The following MYO5B variants were observed in gnomAD, a reference collection of about 807,000 sequenced individuals.
MYO5B encodes the protein unconventional myosin-Vb.
MYO5B carries 143 observed loss-of-function variants against 229.3 expected under a neutral mutation model. The observed-to-expected ratio is 0.62, with a 90% CI of 0.54 to 0.72. MYO5B has a LOEUF of 0.72. Ranked by LOEUF, MYO5B falls within the 30% of genes least tolerant of loss-of-function variation. MYO5B has a pLI of 0.00. For synonymous variants in MYO5B, 918 were observed against 885.2 expected (o/e 1.04, Z -0.66); for missense variants, 2,321 against 2,331.0 (o/e 1.00, Z 0.09).
chr18:49,960,052 A>C (rs1179170010), intron 12 of MYO5B, among the ~76,000 whole-genome samples: 1 of 151,982 alleles, frequency 6.6e-6, no homozygotes, highest in Non-Finnish European at 1.5e-5. Context: ...GGCACCAGTC[A>C]CAGGCCCTGG....
At chr18:49,998,054 C>T (rs932447736) in intron 5 of MYO5B, among the ~76,000 whole-genome samples, 2 of 151,340 alleles carry the variant, frequency 1.3e-5, no homozygotes, top group African/African-American at 2.5e-5. Flanking sequence ...TACGAAAAGT[C>T]GTGTTTTCAG....
chr18:50,102,957 C>G (rs1380333024), intron 1 of MYO5B, among the ~76,000 whole-genome samples: 1 of 152,038 alleles, frequency 6.6e-6, no homozygotes, highest in East Asian at 1.9e-4. Context: ...GTCCTTCCCC[C>G]AAAGGAGAAG....
chr18:50,024,091 G>A (rs766874230), intron 4 of MYO5B, among the ~76,000 whole-genome samples: 18 of 152,252 alleles, frequency 1.2e-4, no homozygotes, highest in South Asian at 2.1e-4. Context: ...GCTGGAGTTC[G>A]TACACATCAG....
intron 39 of MYO5B, among the ~76,000 whole-genome samples, chr18:49,826,950 G>C (rs1376633015): frequency 6.8e-6 from 1 of 147,840 alleles, no homozygotes; most frequent in Non-Finnish European, 1.5e-5. Context: ...CAAGGGCATG[G>C]GTTTTTTTTT....
intron 14 of MYO5B, among the ~76,000 whole-genome samples, chr18:49,945,023 C>T (rs977710410): frequency 2.0e-5 from 3 of 152,206 alleles, no homozygotes; most frequent in East Asian, 1.9e-4. Flanking sequence ...CACTGGCCCA[C>T]GCCTCCTTGT....
rs766421153 is a variant in MYO5B, at chr18:49,877,870, G to A, written c.3289C>T (p.His1097Tyr). ...CTTTGGTTTGATGGGTTCCGCCTAT[G>A]ACCTGGAGTTTGCTGTTCAACAAGA... ...EMTIIKQTPGHRRNPSNQSSL... is the reference protein window; with the variant it reads ...EMTIIKQTPGYRRNPSNQSSL... Residue 1097 changes from histidine to tyrosine, a missense_variant, in exon 25 of 40, where the codon CAT becomes TAT. Transcript: ENST00000285039. The A allele has an allele frequency of 3.0e-5, 48 of 1,614,088 alleles. No individual in the cohort carries two copies. The South Asian group carries it at 4.8e-4, about 16-fold the overall frequency.
At chr18:50,066,991 T>C (rs1362342865) in intron 1 of MYO5B, among the ~76,000 whole-genome samples, 1 of 152,180 alleles carries the variant, frequency 6.6e-6, no homozygotes, top group Non-Finnish European at 1.5e-5. Flanking sequence ...TCCTGAAATG[T>C]CCTTTCATGT....
intron 12 of MYO5B, among the ~76,000 whole-genome samples, chr18:49,956,250 C>T (rs1254262583): frequency 6.6e-6 from 1 of 152,222 alleles, no homozygotes; most frequent in African/African-American, 2.4e-5. Flanking sequence ...CCATTTTCTA[C>T]ACATTTTAGA....
intron 4 of MYO5B, among the ~76,000 whole-genome samples, chr18:50,022,128 GAACT>G (rs2144359892): frequency 7.4e-6 from 1 of 135,326 alleles, no homozygotes; most frequent in African/African-American, 2.7e-5. Flanking sequence ...TCAGCAAATA[GAACT>G]TCCATCTACC....
chr18:49,988,626 A>C (rs1206731476), intron 7 of MYO5B, among the ~76,000 whole-genome samples: 1 of 152,134 alleles, frequency 6.6e-6, no homozygotes, highest in Non-Finnish European at 1.5e-5. Flanking sequence ...ATATTTGTTT[A>C]TTTTCTATAA....
At chr18:49,853,902 T>C (rs989494505) in intron 30 of MYO5B, among the ~76,000 whole-genome samples, 2 of 152,256 alleles carry the variant, frequency 1.3e-5, no homozygotes, top group Admixed American at 1.3e-4. Flanking sequence ...TCGACCCTTG[T>C]TCCTCATTCA....
At chr18:50,155,535 C>CAG (rs2032665553) in intron 1 of MYO5B, among the ~76,000 whole-genome samples, 1 of 152,162 alleles carries the variant, frequency 6.6e-6, no homozygotes, top group Non-Finnish European at 1.5e-5. Flanking sequence ...TACCTTGCAG[C>CAG]AGTTTATCTA....
intron 2 of MYO5B, 134 bp downstream of exon 2, chr18:50,055,134 G>C: frequency 1.5e-6 from 1 of 680,602 alleles, no homozygotes; most frequent in Non-Finnish European, 2.6e-6. Flanking sequence ...CAACAAGAAA[G>C]AATCCAAGGG....
intron 19 of MYO5B, 66 bp downstream of exon 19, chr18:49,906,353 G>T: frequency 6.7e-7 from 1 of 1,502,530 alleles, no homozygotes; most frequent in Non-Finnish European, 9.2e-7. Flanking sequence ...CCAAGTAGCT[G>T]AGAAAGGCAG....
chr18:49,915,689 G>C (rs1176978207), intron 17 of MYO5B, among the ~76,000 whole-genome samples: 2 of 152,196 alleles, frequency 1.3e-5, no homozygotes, highest in African/African-American at 2.4e-5. Flanking sequence ...GCTACATATT[G>C]TTTTAATTAT....
At chr18:49,864,084 A>C (rs1160234304) in intron 28 of MYO5B, 57 bp downstream of exon 28, 11 of 1,592,730 alleles carry the variant, frequency 6.9e-6, no homozygotes, top group Admixed American at 1.7e-5. Context: ...AAAAAACACT[A>C]ATCTACCACC....
intron 8 of MYO5B, among the ~76,000 whole-genome samples, chr18:49,981,109 T>C (rs2025809458): frequency 1.3e-5 from 2 of 152,234 alleles, no homozygotes; most frequent in African/African-American, 2.4e-5. Context: ...TGCACTGTCA[T>C]AGGCAGGCAC....
chr18:49,866,811 T>C (rs1214764019), intron 27 of MYO5B, among the ~76,000 whole-genome samples: 2 of 152,124 alleles, frequency 1.3e-5, no homozygotes, highest in Non-Finnish European at 2.9e-5. Context: ...TGGAACACAC[T>C]ATGACATGAG....
intron 22 of MYO5B, among the ~76,000 whole-genome samples, chr18:49,884,977 A>G (rs1469941160): frequency 1.3e-5 from 2 of 152,222 alleles, no homozygotes; most frequent in South Asian, 2.1e-4. Context: ...CAGACAGACA[A>G]TAACAAGTGT....
Sources: gnomAD v4.1 joint callset for allele counts (sites outside exome capture counted in the v4.1 genomes callset) on GRCh38, gnomAD v4.1.1 for gene constraint, MANE v1.5 for transcripts, NCBI Gene and HGNC (gene_info 2026-07-23, HGNC 2026-07-21) for gene names.